Variants in GHDC observed in about 807,000 individuals in gnomAD.
The protein encoded by GHDC is GH3 domain containing.
In GHDC, 39 loss-of-function variants were observed where a neutral mutation model predicts 51.5. The observed-to-expected ratio is 0.76, with a 90% confidence interval of 0.59 to 0.99. The LOEUF (loss-of-function observed/expected upper bound fraction) is 0.99, where lower values mean the gene tolerates loss of function less well. GHDC is among the 50% of genes least tolerant of loss of function. The pLI is 0.00. For synonymous variants in GHDC, 282 were observed against 305.2 expected, an observed-to-expected ratio of 0.92 and a Z score of 0.79; for missense variants, 610 against 672.8, an observed-to-expected ratio of 0.91 and a Z score of 1.03.
chr17:42,192,965 T>G lies in GHDC; in HGVS notation c.328A>C (p.Ser110Arg). 1 of 1,614,074 alleles carries G rather than the reference T, an allele frequency of 6.2e-7. No individual in the cohort carries two copies. Among genetic ancestry groups the G allele is most frequent in the South Asian group, 1.1e-5 (1 of 91,078 alleles). ...GTCGGGGGCAGTGGCTGCTCTCCACTGTCTTCCTGCTGGGTCTGGCTGGCC... is the reference window on the plus strand; with the variant it reads ...GTCGGGGGCAGTGGCTGCTCTCCACGGTCTTCCTGCTGGGTCTGGCTGGCC... ...TKASQTQQED[S>R]GEQPLPPTSN... Residue 110 changes from serine to arginine, a missense_variant, in exon 4 of 10, where the codon AGT (serine) becomes CGT (arginine). Around this residue, in one of 2 missense-constraint regions of GHDC, gnomAD observed 198 missense variants for 262.3 expected, o/e 0.75. Transcript: ENST00000587427.
chr17:42,190,156 C>T (rs763830135), intron 9 of GHDC, 29 bp downstream of exon 9: 2 of 1,599,784 alleles, frequency 1.3e-6, no homozygotes, highest in African/African-American at 1.3e-5. Context: ...AAGGGGTCTA[C>T]AGTCAGACCC....
intron 2 of GHDC, 60 bp downstream of exon 2, chr17:42,193,707 G>A: frequency 7.9e-7 from 1 of 1,273,372 alleles, no homozygotes; most frequent in Non-Finnish European, 1.1e-6. Context: ...GAAGAAGGCA[G>A]GACCCTGTGG....
rs770899479 is a variant in GHDC at position 42,193,525 on chromosome 17, G to A, written c.57C>T (p.Leu19=). Reference sequence around the variant, plus strand: ...TGGCATCCTGGGACCGCTGCTGCCTGAGCAGGGCCAATGTTGGCAGCAGCA... The same window carrying A: ...TGGCATCCTGGGACCGCTGCTGCCTAAGCAGGGCCAATGTTGGCAGCAGCA... ...LLLLLPTLAL[L]RQQRSQDARL... The change falls in exon 3 of 10, where the codon CTC becomes CTT. Residue 19 remains leucine, a synonymous_variant. Transcript: ENST00000587427. The A allele has an allele frequency of 5.2e-5, 80 of 1,548,590 alleles. No individual in the cohort carries two copies. Among genetic ancestry groups the A allele is most frequent in the Middle Eastern group, 1.7e-4 (1 of 6,008 alleles).
chr17:42,190,035 G>A, intron 9 of GHDC, 114 bp from the exon 10 acceptor site: 1 of 1,334,492 alleles, frequency 7.5e-7, no homozygotes, highest in Non-Finnish European at 1.0e-6. Flanking sequence ...ACAGGTGTGT[G>A]TCTGTGGGAC....
chr17:42,191,758 CTTTTT>C (rs71357532), intron 5 of GHDC, among the ~76,000 whole-genome samples: 2 of 101,094 alleles, frequency 2.0e-5, no homozygotes, highest in Admixed American at 1.1e-4. Context: ...CTGCCCCGGC[CTTTTT>C]TTTTTTTTTT....
In GHDC at chr17:42,192,941, T is replaced by C. The variant is rs1222176400; in HGVS notation, c.352A>G (p.Thr118Ala). The change falls in exon 4 of 10, where the codon ACC becomes GCC. Residue 118 changes from threonine (T) to alanine (A), a missense_variant. Thr to Ala is a moderately conservative substitution (Grantham distance 58, BLOSUM62 0). This residue lies in a region of GHDC where 198 missense variants were observed against 262.3 expected (regional missense o/e 0.75). Transcript: ENST00000587427. ...EDSGEQPLPP[T>A]SNQDLGEASL... is the part of the protein sequence containing the mutation. The stretch of plus-strand genomic sequence containing the variant: ...GCCTCCCCAAGGTCCTGGTTTGAGG[T>C]CGGGGGCAGTGGCTGCTCTCCACTG... 2 of 1,613,616 alleles carry C rather than the reference T, an allele frequency of 1.2e-6. No homozygotes were observed. The highest frequency in any genetic ancestry group is 2.2e-5 in the South Asian group (2 of 91,034).
At position 42,192,271 on chromosome 17, in the gene GHDC, A is replaced by C; in HGVS notation, c.859T>G (p.Phe287Val). 1 of 1,563,620 alleles carries C rather than the reference A, an allele frequency of 6.4e-7. No individual in the cohort carries two copies. Residue 287 changes from phenylalanine to valine, a missense_variant, in exon 5 of 10, where the codon TTC becomes GTC. Physicochemically the swap from Phe to Val is conservative, Grantham distance 50 (BLOSUM62 -1). Transcript: ENST00000587427. The stretch of plus-strand genomic sequence containing the variant: ...GAGGCAGCATAAGCAGGAGAGAAGA[A>C]GGCTAGTCCTTGGCACCACAAGGCC... The part of the protein sequence containing the change: ...LGALWCQGLA[F>V]FSPAYAASGG...
rs564400023 is a variant in GHDC at position 42,192,672 on chromosome 17, C to T, written c.458G>A (p.Arg153His). 1.4e-5 allele frequency: 23 copies of T among 1,598,204 alleles called. No individual in the cohort carries two copies. Among genetic ancestry groups the T allele is most frequent in the African/African-American group, 5.4e-5 (4 of 74,556 alleles). ...PEVLAQGRTARVTLTSPWPRP... is the reference protein window; with the variant it reads ...PEVLAQGRTAHVTLTSPWPRP... ...GGGCCAAGGGGATGTAAGCGTCACACGGGCAGTGCGTCCCTGAGCCAGCAC... is the reference window on the plus strand; with the variant it reads ...GGGCCAAGGGGATGTAAGCGTCACATGGGCAGTGCGTCCCTGAGCCAGCAC... Residue 153 changes from arginine to histidine, a missense_variant, in exon 5 of 10, where the codon CGT (arginine) becomes CAT (histidine). Around this residue, in one of 2 missense-constraint regions of GHDC, gnomAD observed 198 missense variants for 262.3 expected, o/e 0.75. Coordinates refer to ENST00000587427, the MANE Select transcript of GHDC (RefSeq NM_032484.5).
rs1269096659 is a variant in GHDC at position 42,191,177 on chromosome 17, G to C, written c.923C>G (p.Pro308Arg). 4.5e-6 allele frequency: 7 copies of C among 1,538,650 alleles called. No homozygotes were observed. In the African/African-American group the frequency reaches 9.9e-5, roughly 22 times the overall value. ...AGGGGGCAGAAGGTAGAGCCCATGG[G>C]GCTGCTCTGGCTGTAGGTTTAGGCC... ...VLGLNLQPEQ[P>R]HGLYLLPPGA... Residue 308 changes from proline to arginine, a missense_variant, in exon 6 of 10, where the codon CCC (proline) becomes CGC (arginine). Physicochemically the swap from Pro to Arg is moderately radical, Grantham distance 103 (BLOSUM62 -2). Around this residue, in one of 2 missense-constraint regions of GHDC, gnomAD observed 412 missense variants for 410.4 expected, o/e 1.00. Transcript: ENST00000587427.
In GHDC at chr17:42,192,485, A is replaced by C; in HGVS notation, c.645T>G (p.Thr215=). Residue 215 remains threonine (T), a synonymous_variant, in exon 5 of 10, where the codon ACT becomes ACG. Coordinates refer to ENST00000587427, the MANE Select transcript of GHDC (RefSeq NM_032484.5). The stretch of plus-strand genomic sequence containing the variant: ...TCGCCCCAGCTAGCTCTTCACCATC[A>C]GTCTCCAGGCCCAAGAAAACATCCA... ...ELLDVFLGLE[T]DGEELAGAIA... is the part of the protein sequence containing the mutation. 2 of 1,613,704 alleles carry C rather than the reference A, an allele frequency of 1.2e-6. No individual in the cohort carries two copies. The highest frequency in any genetic ancestry group is 1.7e-6 in the Non-Finnish European group (2 of 1,180,028).
intron 5 of GHDC, 64 bp downstream of exon 5, chr17:42,192,177 A>C: frequency 6.7e-7 from 1 of 1,502,956 alleles, no homozygotes; most frequent in Non-Finnish European, 8.9e-7. Flanking sequence ...GGCCCAATGC[A>C]TGGCTGCTTG....
rs1175865845 is a variant in GHDC, at chr17:42,189,203, CG to C, written c.*499del. On this transcript the variant is annotated 3_prime_UTR_variant, in exon 10 of 10. Transcript: ENST00000587427. ...TACATGAATGAGTGGGTTACTGCTG[CG>C]GGCAACTGGGACTCCATCCTGCTGG... is the stretch of plus-strand genomic sequence containing the variant. 120 of 398,082 alleles carry C rather than the reference CG, an allele frequency of 3.0e-4. 2 individuals carry two copies. The highest frequency in any genetic ancestry group is 7.1e-5 in the Non-Finnish European group (16 of 225,954). 24.7% of individuals were successfully genotyped at this position (398,082 alleles called of 1,614,324 possible).
At position 42,191,056 on chromosome 17, in the gene GHDC, C is replaced by T; in HGVS notation, c.1044G>A (p.Glu348=). ...CGCGGTCCGTCAGCACCAGCTCATA[C>T]TCCTTGCCCTGCTGGGCCTCGGCCA... is the stretch of plus-strand genomic sequence containing the variant. ...LLLAEAQQGK[E]YELVLTDRAS... is the part of the protein sequence containing the mutation. The change falls in exon 6 of 10, where the codon GAG becomes GAA. Residue 348 remains glutamate (E), a synonymous_variant. Transcript: ENST00000587427. The T allele has an allele frequency of 5.0e-6, 8 of 1,584,764 alleles. No individual in the cohort carries two copies. Among genetic ancestry groups the T allele is most frequent in the Non-Finnish European group, 6.9e-6 (8 of 1,166,564 alleles).
chr17:42,191,313 C>A, intron 5 of GHDC, 103 bp from the exon 6 acceptor site: 1 of 1,112,626 alleles, frequency 9.0e-7, no homozygotes. Context: ...AGCACCTGAT[C>A]CTCCTGCTGC....
Position 42,190,649 on chromosome 17 carries a change from A to G in GHDC, c.1263T>C (p.His421=), listed in dbSNP as rs2079960560. 1.2e-6 allele frequency: 2 copies of G among 1,613,094 alleles called. No individual in the cohort carries two copies. The highest frequency in any genetic ancestry group is 2.2e-5 in the East Asian group (1 of 44,888). Residue 421 remains histidine, a synonymous_variant, in exon 8 of 10, where the codon CAT becomes CAC. Transcript: ENST00000587427. Reference sequence around the variant, plus strand: ...CCAGAATGCTGCTCTCCACACAGCCATGGTCCAGCAGCTTGGCCCCCGCCC... The same window carrying G: ...CCAGAATGCTGCTCTCCACACAGCCGTGGTCCAGCAGCTTGGCCCCCGCCC... ...GQWAGAKLLD[H]GCVESSILDS... is the part of the protein sequence containing the mutation.
chr17:42,190,908 T>C lies in GHDC; in HGVS notation c.1083-5A>G, dbSNP rs777856486. ...ACCACATCACCCAGGCGGCACCTGA[T>C]GGGGTGCAAGTGGGAGTGAGGTCGG... On this transcript the variant is annotated splice_region_variant and splice_polypyrimidine_tract_variant and intron_variant, in intron 6 of 9. Transcript: ENST00000587427. 14 of 1,606,090 alleles carry C rather than the reference T, an allele frequency of 8.7e-6. No individual in the cohort carries two copies. The African/African-American group carries it at 1.2e-4, about 14-fold the overall frequency.
intron 5 of GHDC, 125 bp from the exon 6 acceptor site, chr17:42,191,335 A>C: frequency 1.1e-6 from 1 of 935,306 alleles, no homozygotes; most frequent in Non-Finnish European, 1.5e-6. Context: ...CTTCCACCAC[A>C]TCCTTCCTGG....
intron 5 of GHDC, 110 bp downstream of exon 5, chr17:42,192,131 G>A: frequency 1.5e-6 from 2 of 1,373,304 alleles, no homozygotes; most frequent in Non-Finnish European, 9.8e-7. Context: ...CTAGCATGCA[G>A]CTTGTTGGGG....
chr17:42,192,708 G>A lies in GHDC; in HGVS notation c.422C>T (p.Ala141Val). ...TLLGLAALNK[A>V]YPEVLAQGRT... ...TCCCTGAGCCAGCACTTCTGGGTAG[G>A]CCTTGTTTAGGGCTGCCAGACCCAG... The change falls in exon 5 of 10, where the codon GCC becomes GTC. Residue 141 changes from alanine to valine, a missense_variant. By Grantham distance (64) the Ala-to-Val change is moderately conservative. This residue lies in a region of GHDC where 198 missense variants were observed against 262.3 expected (regional missense o/e 0.75). Transcript: ENST00000587427. The A allele has an allele frequency of 6.4e-7, 1 of 1,559,216 alleles. No homozygotes were observed. The highest frequency in any genetic ancestry group is 8.7e-7 in the Non-Finnish European group (1 of 1,154,422).
Sources: allele counts gnomAD v4.1 joint callset (sites outside exome capture counted in the v4.1 genomes callset), GRCh38; gene constraint gnomAD v4.1.1; regional missense constraint gnomAD v4.1.1; transcripts MANE v1.5; gene names NCBI Gene and HGNC (gene_info 2026-07-23, HGNC 2026-07-21).